The following UBXN8 variants were observed in gnomAD, a reference collection of about 807,000 sequenced individuals.
UBXN8 encodes the protein UBX domain protein 8.
UBXN8 carries 27 observed loss-of-function variants against 32.1 expected under a neutral mutation model. The observed-to-expected ratio is 0.84, with a 90% CI of 0.62 to 1.16. UBXN8 has a LOEUF of 1.16. Ranked by LOEUF, UBXN8 falls within the 50% of genes most tolerant of loss-of-function variation. The pLI, the probability that UBXN8 is intolerant of heterozygous loss-of-function variation, is 0.00. For missense variants in UBXN8, 306 were observed against 311.4 expected (o/e 0.98, Z 0.13); for synonymous variants, 109 against 111.8 (o/e 0.98, Z 0.16).
At chr8:30,746,692 T>C (rs1168853353) in intron 1 of UBXN8, among the ~76,000 whole-genome samples, 1 of 138,462 alleles carries the variant, frequency 7.2e-6, no homozygotes, top group Non-Finnish European at 1.5e-5. Context: ...CCGACTAATT[T>C]TTTTGTATTT....
At chr8:30,742,771 C>T (rs1805240420), upstream of UBXN8, among the ~76,000 whole-genome samples, 1 of 152,178 alleles carries the variant, frequency 6.6e-6, no homozygotes. Flanking sequence ...GGCGTGACTT[C>T]CTTTTGGAAA....
chr8:30,734,634 A>AT (rs200415156), intron 1 of UBXN8, among the ~76,000 whole-genome samples: 6 of 151,518 alleles, frequency 4.0e-5, no homozygotes, highest in African/African-American at 9.7e-5. Context: ...AAAAAAAAAA[A>AT]ATTTCTTTCA....
chr8:30,761,063 C>T, intron 6 of UBXN8, 134 bp downstream of exon 6: 1 of 626,104 alleles, frequency 1.6e-6, no homozygotes, highest in South Asian at 2.2e-5. Flanking sequence ...TATACTGTAA[C>T]TAGGTCTTTT....
intron 7 of UBXN8, among the ~76,000 whole-genome samples, chr8:30,763,766 A>G (rs765598103): frequency 2.0e-5 from 3 of 152,056 alleles, no homozygotes; most frequent in Non-Finnish European, 4.4e-5. Flanking sequence ...CAAGGCGGGC[A>G]GATCACTTGA....
Position 30,747,307 on chromosome 8 carries a change from GTTTTTTTTTTT to G in UBXN8, c.88+3041_88+3051del, listed in dbSNP as rs59568820. On this transcript the variant is annotated intron_variant, in intron 1 of 7. Transcript: ENST00000265616. ...AACATAAATCCCACACCTCAGTGGT[GTTTTTTTTTTT>G]TTTTTTTTTTGAGACAGAGTCTTAC... Among the ~76,000 whole-genome samples the G allele has an allele frequency of 5.0e-4, 41 of 81,724 alleles. 10 individuals carry two copies. Among genetic ancestry groups the G allele is most frequent in the African/African-American group, 1.8e-3 (33 of 18,690 alleles). 53.6% of individuals were successfully genotyped at this position (81,724 alleles called of 152,430 possible). A position where few individuals can be genotyped will look rare whatever the true frequency, so the allele number is the denominator to read the frequency against.
chr8:30,765,499 T>C (rs1489015710), intron 7 of UBXN8, among the ~76,000 whole-genome samples: 1 of 150,770 alleles, frequency 6.6e-6, no homozygotes, highest in Non-Finnish European at 1.5e-5. Context: ...GTCTCAAATT[T>C]CTGTGCCATT....
intron 1 of UBXN8, among the ~76,000 whole-genome samples, chr8:30,747,904 T>C (rs1398406371): frequency 8.4e-6 from 1 of 119,492 alleles, no homozygotes; most frequent in African/African-American, 3.5e-5. Context: ...CTTTTTTTTT[T>C]TTTTTTTTTT....
upstream of UBXN8, among the ~76,000 whole-genome samples, chr8:30,729,179 C>G (rs1306303204): frequency 6.6e-6 from 1 of 152,238 alleles, no homozygotes; most frequent in Non-Finnish European, 1.5e-5. Flanking sequence ...CTGCGGGGAA[C>G]TCCCGCCAGC....
intron 5 of UBXN8, among the ~76,000 whole-genome samples, chr8:30,758,900 T>TTTTTTTTTTTTTTTTG (rs1554578741): frequency 1.3e-4 from 16 of 122,028 alleles, no homozygotes; most frequent in Non-Finnish European, 2.0e-4. Flanking sequence ...TTTTGTTTTT[T>TTTTTTTTTTTTTTTTG]TTTTTTTTTT....
Position 30,756,882 on chromosome 8 carries a change from A to G in UBXN8, c.523A>G (p.Lys175Glu). ...GTCTCCTGCTGAACAGCCCACATGC[A>G]AGGAGGTAAAGTACTTCATGCCTCT... ...FPSPAEQPTC[K>E]EIPDLPEEPS... The change falls in exon 5 of 8, where the codon AAG becomes GAG. Residue 175 changes from lysine to glutamate, a missense_variant. Physicochemically the swap from Lys to Glu is moderately conservative, Grantham distance 56. Transcript: ENST00000265616. 6.2e-7 allele frequency: 1 copy of G among 1,613,926 alleles called. No individual in the cohort carries two copies. The highest frequency in any genetic ancestry group is 1.1e-5 in the South Asian group (1 of 91,078).
chr8:30,756,333 T>G (rs1448530418), intron 4 of UBXN8: 2 of 159,386 alleles, frequency 1.3e-5, no homozygotes, highest in Non-Finnish European at 2.8e-5. Flanking sequence ...TTAGTAGAGA[T>G]GGGATTTCAC....
chr8:30,744,388 A>G (rs1805303136), intron 1 of UBXN8, 111 bp downstream of exon 1: 2 of 1,027,184 alleles, frequency 1.9e-6, no homozygotes, highest in Admixed American at 4.2e-5. Flanking sequence ...TTTGACTACA[A>G]CTCCCAGACT....
chr8:30,744,410 GC>G (rs1026011113), intron 1 of UBXN8, 133 bp downstream of exon 1: 16 of 826,684 alleles, frequency 1.9e-5, no homozygotes, highest in South Asian at 3.1e-5. Flanking sequence ...CATCGCCCCT[GC>G]CCCCCCACTT....
chr8:30,732,755 G>A (rs7819681), exon 1 of UBXN8: 36,126 of 152,504 alleles, frequency 0.24, 4,907 homozygotes, highest in African/African-American at 0.38. Flanking sequence ...GGCCGAGGCC[G>A]GTGGCCTACC....
rs1249497999 is a variant in UBXN8, at chr8:30,754,748, G to A, written c.366G>A (p.Thr122=). The A allele has an allele frequency of 6.4e-6, 10 of 1,559,216 alleles. No homozygotes were observed. Among genetic ancestry groups the A allele is most frequent in the South Asian group, 3.8e-5 (3 of 79,854 alleles). The stretch of plus-strand genomic sequence containing the variant: ...TGGAGGAGCGCTTTTATCAAATGAC[G>A]GGTGAAGCCTGGAAATTAAGCAGTG... The part of the protein sequence containing the change: ...RKLEERFYQM[T]GEAWKLSSGH... Residue 122 remains threonine (T), a synonymous_variant, in exon 4 of 8, where the codon ACG becomes ACA. Coordinates refer to ENST00000265616, the MANE Select transcript of UBXN8 (RefSeq NM_005671.4).
chr8:30,731,228 T>G (rs1308829965), upstream of UBXN8, among the ~76,000 whole-genome samples: 1 of 152,196 alleles, frequency 6.6e-6, no homozygotes, highest in Non-Finnish European at 1.5e-5. Flanking sequence ...GGGACCGGGC[T>G]CAAGGACTCC....
upstream of UBXN8, among the ~76,000 whole-genome samples, chr8:30,739,188 C>T (rs1017399297): frequency 6.6e-6 from 1 of 150,622 alleles, no homozygotes; most frequent in African/African-American, 2.4e-5. Flanking sequence ...TGTGATGGAA[C>T]TACTCTATAT....
chr8:30,760,837 C>T, intron 5 of UBXN8, 51 bp from the exon 6 acceptor site: 1 of 1,255,440 alleles, frequency 8.0e-7, no homozygotes, highest in East Asian at 2.6e-5. Context: ...CTCATTGACA[C>T]TTTTGCTTGT....
upstream of UBXN8, among the ~76,000 whole-genome samples, chr8:30,739,400 C>T (rs113509122): frequency 0.1 from 15,328 of 151,100 alleles, 939 homozygotes; most frequent in South Asian, 0.14. Context: ...AAAAATTAGC[C>T]GGGCGTGGTG....
Sources: allele counts gnomAD v4.1 joint callset (sites outside exome capture counted in the v4.1 genomes callset), GRCh38; gene constraint gnomAD v4.1.1; transcripts MANE v1.5; gene names NCBI Gene and HGNC (gene_info 2026-07-23, HGNC 2026-07-21).